The following FRMD4A variants were observed in gnomAD, a reference collection of about 807,000 sequenced individuals.
FRMD4A encodes the protein FERM domain-containing protein 4A.
Under a neutral mutation model 129.1 loss-of-function variants are expected in FRMD4A, and 29 were observed. The observed-to-expected ratio is 0.22, with a 90% CI of 0.17 to 0.31. FRMD4A has a LOEUF of 0.31. Ranked by LOEUF, FRMD4A falls within the 10% of genes least tolerant of loss-of-function variation. The probability of loss-of-function intolerance (pLI) is 1.00; values close to 1 mark genes in which losing one functional copy is unlikely to be tolerated. For synonymous variants in FRMD4A, 634 were observed against 571.6 expected (o/e 1.11, Z -1.56); for missense variants, 1,272 against 1,375.8 (o/e 0.92, Z 1.19).
chr10:13,758,935 C>G (rs1369333037), intron 8 of FRMD4A, among the ~76,000 whole-genome samples: 1 of 152,094 alleles, frequency 6.6e-6, no homozygotes, highest in Non-Finnish European at 1.5e-5. Flanking sequence ...CGAATGTGGT[C>G]AATTTCGACG....
At chr10:14,252,631 A>G (rs1345118757) in intron 2 of FRMD4A, among the ~76,000 whole-genome samples, 2 of 152,258 alleles carry the variant, frequency 1.3e-5, no homozygotes, top group Non-Finnish European at 2.9e-5. Context: ...CAGGTGGCCC[A>G]TGCTGTTGAT....
chr10:14,143,174 G>A (rs112077112), intron 2 of FRMD4A, among the ~76,000 whole-genome samples: 1 of 152,218 alleles, frequency 6.6e-6, no homozygotes, highest in African/African-American at 2.4e-5. Context: ...CGAAGAGATA[G>A]TTGTACGTCC....
intron 4 of FRMD4A, among the ~76,000 whole-genome samples, chr10:13,797,743 G>A (rs1335228734): frequency 6.6e-6 from 1 of 152,156 alleles, no homozygotes; most frequent in Non-Finnish European, 1.5e-5. Flanking sequence ...CTAATGCTGT[G>A]TGGCATGTGT....
At position 13,838,977 on chromosome 10, in the gene FRMD4A, G is replaced by A. The variant is rs1588971997; in HGVS notation, c.111+19870C>T. 5.4e-5 allele frequency among the ~76,000 whole-genome samples: 8 copies of A among 147,402 alleles called. No individual in the cohort carries two copies. The South Asian group carries it at 1.7e-3, about 32-fold the overall frequency. On this transcript the variant is annotated intron_variant, in intron 3 of 24. Transcript: ENST00000357447. Reference sequence around the variant, plus strand: ...ATTAATATGACTTTAGGGCTTGGCTGGAAGAATAATTTCCTTTTTTTTTTT... The same window carrying A: ...ATTAATATGACTTTAGGGCTTGGCTAGAAGAATAATTTCCTTTTTTTTTTT...
At chr10:14,023,622 C>A (rs1832860967) in intron 2 of FRMD4A, among the ~76,000 whole-genome samples, 1 of 152,234 alleles carries the variant, frequency 6.6e-6, no homozygotes. Flanking sequence ...ACAGAACGAA[C>A]AGACCCGTGG....
intron 2 of FRMD4A, among the ~76,000 whole-genome samples, chr10:14,087,782 C>G (rs1362592091): frequency 6.7e-6 from 1 of 149,944 alleles, no homozygotes; most frequent in African/African-American, 2.5e-5. Context: ...ATTTCAACAG[C>G]CTGTCGGCAG....
intron 2 of FRMD4A, among the ~76,000 whole-genome samples, chr10:14,253,713 G>A (rs1844515726): frequency 6.6e-6 from 1 of 152,148 alleles, no homozygotes; most frequent in Non-Finnish European, 1.5e-5. Context: ...TAGAGAACAT[G>A]GTCCATTTGC....
intron 2 of FRMD4A, among the ~76,000 whole-genome samples, chr10:14,246,192 C>G (rs1844229682): frequency 6.6e-6 from 1 of 152,184 alleles, no homozygotes; most frequent in African/African-American, 2.4e-5. Context: ...CCAGATTTCT[C>G]AGGTCCAATT....
At chr10:14,325,547 C>T (rs1843239685) in intron 2 of FRMD4A, among the ~76,000 whole-genome samples, 1 of 152,208 alleles carries the variant, frequency 6.6e-6, no homozygotes, top group South Asian at 2.1e-4. Flanking sequence ...ACCAGCGCCC[C>T]CTAGGGCTCA....
chr10:14,028,944 G>GA (rs1833105927), intron 2 of FRMD4A, among the ~76,000 whole-genome samples: 1 of 152,050 alleles, frequency 6.6e-6, no homozygotes, highest in Non-Finnish European at 1.5e-5. Context: ...ATTTCTGTTG[G>GA]AAAAAAATCC....
At chr10:13,831,961 C>T (rs1241691739) in intron 3 of FRMD4A, among the ~76,000 whole-genome samples, 1 of 152,130 alleles carries the variant, frequency 6.6e-6, no homozygotes, top group Non-Finnish European at 1.5e-5. Context: ...ACAGCAATCT[C>T]CTGCTGGCAC....
rs201163529 is a variant in FRMD4A, at chr10:13,737,922, C to T, written c.681G>A (p.Gln227=). Residue 227 remains glutamine, a synonymous_variant, in exon 12 of 25, where the codon CAG becomes CAA. Coordinates refer to ENST00000357447, the MANE Select transcript of FRMD4A (RefSeq NM_018027.5). ...TCAGGCCCAGCCACCATGGTATGCC[C>T]TGCTTGTCCTAGGATATCAAAAAAA... The part of the protein sequence containing the change: ...GVHYYAVKDK[Q]GIPWWLGLSY... The T allele has an allele frequency of 1.9e-5, 30 of 1,587,176 alleles. No homozygotes were observed. Among genetic ancestry groups the T allele is most frequent in the Non-Finnish European group, 8.7e-7 (1 of 1,155,664 alleles).
At chr10:14,019,744 A>G (rs532005683) in intron 2 of FRMD4A, among the ~76,000 whole-genome samples, 1 of 152,370 alleles carries the variant, frequency 6.6e-6, no homozygotes, top group South Asian at 2.1e-4. Flanking sequence ...GATGCCTTTG[A>G]GAACGTGCCC....
At chr10:13,755,294 C>T (rs942237610) in intron 8 of FRMD4A, among the ~76,000 whole-genome samples, 3 of 152,130 alleles carry the variant, frequency 2.0e-5, no homozygotes, top group Non-Finnish European at 2.9e-5. Flanking sequence ...CTGGAATTTT[C>T]GGATACCAGT....
intron 14 of FRMD4A, among the ~76,000 whole-genome samples, chr10:13,694,667 A>C (rs1210293046): frequency 6.6e-6 from 1 of 152,158 alleles, no homozygotes; most frequent in Admixed American, 6.5e-5. Context: ...TGGGCATCAT[A>C]GCAAGATCCC....
chr10:13,844,926 G>A (rs1254368558), intron 3 of FRMD4A, among the ~76,000 whole-genome samples: 2 of 152,184 alleles, frequency 1.3e-5, no homozygotes, highest in Non-Finnish European at 2.9e-5. Context: ...TGGCAATTTC[G>A]TGTATGAGTA....
chr10:13,987,800 A>C (rs2095587206), intron 2 of FRMD4A, among the ~76,000 whole-genome samples: 1 of 152,220 alleles, frequency 6.6e-6, no homozygotes, highest in African/African-American at 2.4e-5. Context: ...ATTAAAGAGG[A>C]CATCGTACAA....
At chr10:14,059,717 T>A (rs1314170683) in intron 2 of FRMD4A, among the ~76,000 whole-genome samples, 1 of 152,246 alleles carries the variant, frequency 6.6e-6, no homozygotes. Flanking sequence ...TTCAGTTGTT[T>A]GACTCAATAA....
chr10:14,167,300 G>A (rs1398043474), intron 2 of FRMD4A, among the ~76,000 whole-genome samples: 1 of 152,084 alleles, frequency 6.6e-6, no homozygotes, highest in African/African-American at 2.4e-5. Flanking sequence ...GGGAGGGTGA[G>A]GTGGGCAGAT....
Sources: gnomAD v4.1 joint callset for allele counts (sites outside exome capture counted in the v4.1 genomes callset) on GRCh38, gnomAD v4.1.1 for gene constraint, MANE v1.5 for transcripts, NCBI Gene and HGNC (gene_info 2026-07-23, HGNC 2026-07-21) for gene names.